SSPN: variants seen among roughly 807,000 people sequenced by gnomAD.
SSPN encodes K-ras oncogene-associated protein.
Under a neutral mutation model 19.1 loss-of-function variants are expected in SSPN, and 15 were observed. The observed-to-expected ratio is 0.78, with a 90% CI of 0.52 to 1.21. The LOEUF (loss-of-function observed/expected upper bound fraction) is 1.21. Ranked by LOEUF, SSPN falls within the 50% of genes most tolerant of loss-of-function variation. SSPN has a pLI of 0.00. For missense variants in SSPN, 291 were observed against 314.0 expected (o/e 0.93, Z 0.55); for synonymous variants, 147 against 140.3 (o/e 1.05, Z -0.34).
chr12:26,198,085 A>AT (rs140557470), intron 1 of SSPN, among the ~76,000 whole-genome samples: 17,625 of 152,028 alleles, frequency 0.12, 1,254 homozygotes, highest in Non-Finnish European at 0.17. Context: ...AACGAGGCAG[A>AT]TGGCAAAGTG....
chr12:26,127,247 G>A (rs1258770299), intron 1 of SSPN, among the ~76,000 whole-genome samples: 1 of 152,178 alleles, frequency 6.6e-6, no homozygotes, highest in African/African-American at 2.4e-5. Context: ...AAAACACAAG[G>A]CAGACATCTG....
Position 26,195,963 on chromosome 12 carries a change from G to C in SSPN, c.279+12G>C, listed in dbSNP as rs1337077874. The C allele has an allele frequency of 6.7e-7, 1 of 1,483,142 alleles. No individual in the cohort carries two copies. Among genetic ancestry groups the C allele is most frequent in the Non-Finnish European group, 9.0e-7 (1 of 1,116,734 alleles). The allele number at this position is 1,483,142 out of a possible 1,614,324, so 91.9% of individuals were successfully genotyped here. On this transcript the variant is annotated intron_variant, in intron 1 of 2. Coordinates refer to ENST00000242729, the MANE Select transcript of SSPN (RefSeq NM_005086.5). Reference sequence around the variant, plus strand: ...GGGCTGGGATCATTGTAAGCATCAAGTCTGTTTTGCCTAAGCGCGTTTGCC... The same window carrying C: ...GGGCTGGGATCATTGTAAGCATCAACTCTGTTTTGCCTAAGCGCGTTTGCC...
At chr12:26,141,160 G>A (rs1944458519) in intron 1 of SSPN, among the ~76,000 whole-genome samples, 3 of 152,188 alleles carry the variant, frequency 2.0e-5, no homozygotes, top group Admixed American at 2.0e-4. Context: ...GATTATCCAG[G>A]TGGGAACAAT....
At chr12:26,131,819 C>T (rs1482786932) in intron 1 of SSPN, among the ~76,000 whole-genome samples, 1 of 152,202 alleles carries the variant, frequency 6.6e-6, no homozygotes, top group Non-Finnish European at 1.5e-5. Flanking sequence ...CTCTACCTTA[C>T]AGATGAACAA....
chr12:26,140,547 A>G (rs1452298513), intron 1 of SSPN, among the ~76,000 whole-genome samples: 1 of 152,106 alleles, frequency 6.6e-6, no homozygotes, highest in Non-Finnish European at 1.5e-5. Context: ...CCAGTATTGG[A>G]AAAGGGGCCG....
rs149834431 is a variant in SSPN, at chr12:26,230,851, G to A, written c.507G>A (p.Ser169=). ...LDSCQCKLPS[S]EPLSRTFVYR... is the part of the protein sequence containing the mutation. Reference sequence around the variant, plus strand: ...CTTGCCAGTGCAAACTGCCCTCCTCGGAGCCGCTCAGCAGGACCTTTGTTT... The same window carrying A: ...CTTGCCAGTGCAAACTGCCCTCCTCAGAGCCGCTCAGCAGGACCTTTGTTT... Residue 169 remains serine, a synonymous_variant, in exon 3 of 3, where the codon TCG becomes TCA. Coordinates refer to ENST00000242729, the MANE Select transcript of SSPN (RefSeq NM_005086.5). 44 of 1,614,108 alleles carry A rather than the reference G, an allele frequency of 2.7e-5. No homozygotes were observed. Among genetic ancestry groups the A allele is most frequent in the Admixed American group, 1.5e-4 (9 of 60,018 alleles).
At chr12:26,131,230 C>G (rs1944395807) in intron 1 of SSPN, among the ~76,000 whole-genome samples, 1 of 152,232 alleles carries the variant, frequency 6.6e-6, no homozygotes, top group African/African-American at 2.4e-5. Context: ...ACAAACTTAA[C>G]TAACTCCTTA....
At position 26,232,738 on chromosome 12, in the gene SSPN, C is replaced by T. The variant is rs115340662; in HGVS notation, c.*1662C>T. 1.1e-3 allele frequency: 1,128 copies of T among 983,036 alleles called. 16 individuals are homozygous for T. The African/African-American group carries it at 0.019, about 16-fold the overall frequency. The allele number at this position is 983,036 out of a possible 1,614,324, so 60.9% of individuals were successfully genotyped here. On this transcript the variant is annotated 3_prime_UTR_variant, in exon 3 of 3. Transcript: ENST00000242729. ...TTTTATGTCCTCTAGATAAAACACCCGATTAACAGATGTTAAACCTTTTAA... is the reference window on the plus strand; with the variant it reads ...TTTTATGTCCTCTAGATAAAACACCTGATTAACAGATGTTAAACCTTTTAA...
chr12:26,140,847 A>G lies in SSPN; in HGVS notation c.-31+18695A>G, dbSNP rs547804843. On this transcript the variant is annotated intron_variant, in intron 1 of 2. Transcript: ENST00000538142. Reference sequence around the variant, plus strand: ...CAGTCTCAGGTAGTTCTTTATAGCAATGTGAGTACGAATGAATACATTCAT... The same window carrying G: ...CAGTCTCAGGTAGTTCTTTATAGCAGTGTGAGTACGAATGAATACATTCAT... Among the ~76,000 whole-genome samples, 2 of 152,306 alleles carry G rather than the reference A, an allele frequency of 1.3e-5. 1 individual carries two copies. Among genetic ancestry groups the G allele is most frequent in the African/African-American group, 4.8e-5 (2 of 41,572 alleles).
At chr12:26,222,664 T>C (rs929801893) in intron 1 of SSPN, among the ~76,000 whole-genome samples, 7 of 152,244 alleles carry the variant, frequency 4.6e-5, no homozygotes, top group Admixed American at 1.3e-4. Flanking sequence ...TTATCAATGT[T>C]TTAAGCTTTC....
At position 26,230,922 on chromosome 12, in the gene SSPN, T is replaced by A; in HGVS notation, c.578T>A (p.Leu193Gln). The change falls in exon 3 of 3, where the codon CTG (leucine) becomes CAG (glutamine). Residue 193 changes from leucine (L) to glutamine (Q), a missense_variant. This residue lies in a region of SSPN where 141 missense variants were observed against 166.7 expected (regional missense o/e 0.85). Transcript: ENST00000242729. ...ACCAGCGTCACTGGCACTTTCAAAC[T>A]GTTCTTACTCATCCAGATGATTCTT... ...DCTSVTGTFKLFLLIQMILNL... is the reference protein window; with the variant it reads ...DCTSVTGTFKQFLLIQMILNL... 1 of 1,614,234 alleles carries A rather than the reference T, an allele frequency of 6.2e-7. No homozygotes were observed.
intron 1 of SSPN, among the ~76,000 whole-genome samples, chr12:26,179,746 A>G (rs1944706458): frequency 6.6e-6 from 1 of 152,082 alleles, no homozygotes; most frequent in South Asian, 2.1e-4. Context: ...AGCAAACACA[A>G]TTTCATGTTT....
At chr12:26,224,159 A>C in intron 1 of SSPN, 134 bp from the exon 2 acceptor site, 1 of 639,642 alleles carries the variant, frequency 1.6e-6, no homozygotes, top group Non-Finnish European at 2.8e-6. Context: ...AGAAAAACAC[A>C]GTACATAAAG....
chr12:26,197,101 A>G (rs1237081158), intron 1 of SSPN, among the ~76,000 whole-genome samples: 4 of 152,226 alleles, frequency 2.6e-5, no homozygotes, highest in Admixed American at 6.5e-5. Flanking sequence ...TGGTCGAATC[A>G]AGAGAGACTA....
intron 1 of SSPN, among the ~76,000 whole-genome samples, chr12:26,219,612 G>A (rs530998669): frequency 6.4e-4 from 98 of 152,190 alleles, no homozygotes; most frequent in Non-Finnish European, 8.7e-4. Flanking sequence ...TAGGACTTCA[G>A]TTTTCTCTTC....
At chr12:26,161,158 C>T (rs537628366) in intron 1 of SSPN, among the ~76,000 whole-genome samples, 146 of 151,546 alleles carry the variant, frequency 9.6e-4, no homozygotes, top group South Asian at 1.7e-3. Context: ...TGTCTTCCCT[C>T]TGCTTAAAAC....
intron 1 of SSPN, among the ~76,000 whole-genome samples, chr12:26,173,402 T>C (rs1338225132): frequency 2.6e-5 from 4 of 152,176 alleles, no homozygotes; most frequent in Non-Finnish European, 5.9e-5. Flanking sequence ...TAACTACAGA[T>C]TCAGCCACTC....
At chr12:26,177,308 G>T (rs1158074649) in intron 1 of SSPN, among the ~76,000 whole-genome samples, 1 of 152,144 alleles carries the variant, frequency 6.6e-6, no homozygotes, top group Non-Finnish European at 1.5e-5. Context: ...TCCAGCCTAG[G>T]CTCCTGAAAC....
chr12:26,196,462 G>A (rs1944831272), intron 1 of SSPN, among the ~76,000 whole-genome samples: 1 of 152,172 alleles, frequency 6.6e-6, no homozygotes, highest in Admixed American at 6.5e-5. Flanking sequence ...TGAAATGATG[G>A]GCTAAGGCAG....
Sources: allele counts gnomAD v4.1 joint callset (sites outside exome capture counted in the v4.1 genomes callset), GRCh38; gene constraint gnomAD v4.1.1; regional missense constraint gnomAD v4.1.1; transcripts MANE v1.5; gene names NCBI Gene and HGNC (gene_info 2026-07-23, HGNC 2026-07-21).